Variants in NUP205 observed in about 807,000 individuals in gnomAD.
NUP205 encodes the protein nuclear pore complex protein Nup205.
In NUP205, 76 loss-of-function variants were observed where a neutral mutation model predicts 253.8. That is an observed-to-expected ratio of 0.30 (90% CI 0.25 to 0.36). NUP205 has a LOEUF of 0.36. NUP205 is among the 10% of genes least tolerant of loss of function. The pLI is 1.00. For missense variants in NUP205, 2,162 were observed against 2,425.5 expected (o/e 0.89, Z 2.28); for synonymous variants, 832 against 850.1 (o/e 0.98, Z 0.37).
At chr7:135,584,719 A>G in intron 7 of NUP205, 113 bp from the exon 8 acceptor site, 2 of 911,090 alleles carry the variant, frequency 2.2e-6, no homozygotes, top group Non-Finnish European at 3.5e-6. Flanking sequence ...TGCATAGCAC[A>G]TGCTAGAAGG....
chr7:135,639,771 C>A (rs556339957), intron 38 of NUP205, among the ~76,000 whole-genome samples: 20 of 151,936 alleles, frequency 1.3e-4, no homozygotes, highest in African/African-American at 4.3e-4. Flanking sequence ...ATGTTTATTG[C>A]AGCACTATTT....
chr7:135,603,979 C>T (rs1360763892), intron 18 of NUP205, among the ~76,000 whole-genome samples: 1 of 152,178 alleles, frequency 6.6e-6, no homozygotes, highest in African/African-American at 2.4e-5. Context: ...CTTTCAGCGT[C>T]ACATGGCAGT....
At chr7:135,584,293 T>A (rs572473773) in intron 7 of NUP205, among the ~76,000 whole-genome samples, 5 of 152,286 alleles carry the variant, frequency 3.3e-5, no homozygotes, top group Non-Finnish European at 7.4e-5. Flanking sequence ...TTATACTTAT[T>A]TTTAGATATA....
At chr7:135,582,618 G>A (rs1464003973) in intron 7 of NUP205, among the ~76,000 whole-genome samples, 2 of 151,966 alleles carry the variant, frequency 1.3e-5, no homozygotes, top group African/African-American at 2.4e-5. Context: ...CAAGTAGGTG[G>A]GACCACAGCT....
chr7:135,605,668 A>G (rs1367575617), intron 19 of NUP205, among the ~76,000 whole-genome samples: 1 of 152,220 alleles, frequency 6.6e-6, no homozygotes, highest in African/African-American at 2.4e-5. Flanking sequence ...TGATTTTGGT[A>G]TAAATTGTTA....
Position 135,591,443 on chromosome 7 carries a change from T to G in NUP205, c.1474-7T>G. The stretch of plus-strand genomic sequence containing the variant: ...TTATATAAACCATTTGTTTCTCTCT[T>G]TTTCAGGTTGTCTTGTCAAAGTTTG... On this transcript the variant is annotated splice_region_variant and splice_polypyrimidine_tract_variant and intron_variant, in intron 10 of 42. Coordinates refer to ENST00000285968, the MANE Select transcript of NUP205 (RefSeq NM_015135.3). The G allele has an allele frequency of 6.2e-7, 1 of 1,613,336 alleles. No individual in the cohort carries two copies. The highest frequency in any genetic ancestry group is 8.5e-7 in the Non-Finnish European group (1 of 1,179,354).
intron 30 of NUP205, among the ~76,000 whole-genome samples, chr7:135,622,331 G>C (rs1794489168): frequency 6.6e-6 from 1 of 151,098 alleles, no homozygotes; most frequent in Non-Finnish European, 1.5e-5. Flanking sequence ...GCTGAGGCAG[G>C]AGAATCGCTT....
At chr7:135,601,334 C>T in intron 16 of NUP205, 36 bp from the exon 17 acceptor site, 1 of 1,581,480 alleles carries the variant, frequency 6.3e-7, no homozygotes, top group Non-Finnish European at 8.6e-7. Context: ...AAAATACTAA[C>T]CCATCATCTC....
rs1179391803 is a variant in NUP205, at chr7:135,573,803, A to G, written c.321A>G (p.Ala107=). The change falls in exon 3 of 43, where the codon GCA becomes GCG. Residue 107 remains alanine (A), a synonymous_variant. Transcript: ENST00000285968. The part of the protein sequence containing the change: ...LSDLFDIGEL[A]AVELLLAGEH... ...ACCTTTTTGATATTGGAGAATTGGC[A>G]GCTGTTGAGCTTCTTCTTGCTGGTA... The G allele has an allele frequency of 1.9e-6, 3 of 1,611,052 alleles. No individual in the cohort carries two copies. The African/African-American group carries it at 4.0e-5, about 22-fold the overall frequency.
chr7:135,619,024 T>A (rs752816715), intron 28 of NUP205, among the ~76,000 whole-genome samples: 24 of 152,200 alleles, frequency 1.6e-4, no homozygotes, highest in Non-Finnish European at 3.1e-4. Context: ...ATTTCTGTAT[T>A]CCATTCTTAT....
intron 2 of NUP205, 46 bp downstream of exon 2, chr7:135,571,293 A>G (rs1584639604): frequency 3.5e-6 from 4 of 1,143,260 alleles, no homozygotes; most frequent in Non-Finnish European, 3.5e-6. Context: ...TTTTTTTTTT[A>G]AGATCGAGGA....
At chr7:135,572,956 T>G in intron 2 of NUP205, among the ~76,000 whole-genome samples, 1 of 148,214 alleles carries the variant, frequency 6.7e-6, no homozygotes, top group East Asian at 1.9e-4. Context: ...TTTTTTTTTT[T>G]CTTTTTTTTT....
At chr7:135,642,714 G>T (rs778146594) in intron 38 of NUP205, among the ~76,000 whole-genome samples, 3 of 152,118 alleles carry the variant, frequency 2.0e-5, no homozygotes, top group African/African-American at 4.8e-5. Context: ...CTTTGAGCTG[G>T]CAATTTAGTA....
intron 16 of NUP205, 96 bp downstream of exon 16, chr7:135,601,065 A>T: frequency 1.6e-6 from 1 of 644,666 alleles, no homozygotes; most frequent in Non-Finnish European, 2.6e-6. Context: ...ATACTTTTAA[A>T]TTAGAATTTA....
In NUP205 at chr7:135,648,419, A is replaced by G. The variant is rs368180701; in HGVS notation, c.5902A>G (p.Ile1968Val). ...HDLDQLQADA[I>V]NAFGESLQKK... ...TCACCGCTAGCTTCAGGCTGATGCA[A>G]TCAACGCTTTTGGAGAATCACTACA... is the stretch of plus-strand genomic sequence containing the variant. The change falls in exon 43 of 43, where the codon ATC (isoleucine) becomes GTC (valine). Residue 1968 changes from isoleucine to valine, a missense_variant. Physicochemically the swap from Ile to Val is conservative, Grantham distance 29. This residue lies in a region of NUP205 where 1,144 missense variants were observed against 1,280.9 expected (regional missense o/e 0.89). Coordinates refer to ENST00000285968, the MANE Select transcript of NUP205 (RefSeq NM_015135.3). The G allele has an allele frequency of 1.6e-5, 26 of 1,590,638 alleles. No homozygotes were observed. Among genetic ancestry groups the G allele is most frequent in the Admixed American group, 1.1e-4 (6 of 53,850 alleles).
In NUP205 at chr7:135,568,594, A is replaced by G. The variant is rs1273017692; in HGVS notation, c.29-2511A>G. ...AGTGATCTGCCCGCCTCGGCCTTCCAAAGTGCTGGGATTATAGGTGAGAGC... is the reference window on the plus strand; with the variant it reads ...AGTGATCTGCCCGCCTCGGCCTTCCGAAGTGCTGGGATTATAGGTGAGAGC... On this transcript the variant is annotated intron_variant, in intron 1 of 42. Coordinates refer to ENST00000285968, the MANE Select transcript of NUP205 (RefSeq NM_015135.3). Among the ~76,000 whole-genome samples, 3 of 152,156 alleles carry G rather than the reference A, an allele frequency of 2.0e-5. No individual in the cohort carries two copies. The East Asian group carries it at 5.8e-4, about 29-fold the overall frequency.
intron 28 of NUP205, among the ~76,000 whole-genome samples, 171 bp from the exon 29 acceptor site, chr7:135,619,252 A>G (rs1350528587): frequency 2.0e-5 from 3 of 151,866 alleles, no homozygotes; most frequent in Non-Finnish European, 2.9e-5. Flanking sequence ...TGAGGTGGGA[A>G]GACCTCCTGA....
intron 7 of NUP205, among the ~76,000 whole-genome samples, chr7:135,580,704 C>A (rs1806281114): frequency 6.6e-6 from 1 of 152,164 alleles, no homozygotes; most frequent in Non-Finnish European, 1.5e-5. Flanking sequence ...CTCAGGCAAT[C>A]TGCCTGCCTT....
At position 135,604,456 on chromosome 7, in the gene NUP205, A is replaced by G. The variant is rs1311852487; in HGVS notation, c.2819A>G (p.Asp940Gly). Residue 940 changes from aspartate (D) to glycine (G), a missense_variant, in exon 19 of 43, where the codon GAC (aspartate) becomes GGC (glycine). Asp to Gly is a moderately conservative substitution (Grantham distance 94). This residue lies in a region of NUP205 where 892 missense variants were observed against 957.1 expected (regional missense o/e 0.93). Coordinates refer to ENST00000285968, the MANE Select transcript of NUP205 (RefSeq NM_015135.3). Reference protein sequence around the residue: ...QIKLVGDFTHDQSISQKLMAG... With the variant: ...QIKLVGDFTHGQSISQKLMAG... ...AAGTTGGTTGGAGATTTCACACATG[A>G]CCAGGTAACTGATTTTGTTGCTCTT... The G allele has an allele frequency of 6.2e-7, 1 of 1,601,490 alleles. No homozygotes were observed. Among genetic ancestry groups the G allele is most frequent in the East Asian group, 2.2e-5 (1 of 44,782 alleles).
Sources: allele counts gnomAD v4.1 joint callset (sites outside exome capture counted in the v4.1 genomes callset), GRCh38; gene constraint gnomAD v4.1.1; regional missense constraint gnomAD v4.1.1; transcripts MANE v1.5; gene names NCBI Gene and HGNC (gene_info 2026-07-23, HGNC 2026-07-21).